Variants in PCDHA1 observed in about 807,000 individuals in gnomAD.
PCDHA1 encodes protocadherin alpha-1.
In PCDHA1, 42 loss-of-function variants were observed where a neutral mutation model predicts 61.3. That is an observed-to-expected ratio of 0.69 (90% confidence interval 0.54 to 0.89). PCDHA1 has a LOEUF of 0.89. PCDHA1 is among the 40% of genes least tolerant of loss of function. The probability of loss-of-function intolerance (pLI) is 0.00; values close to 1 mark genes in which losing one functional copy is unlikely to be tolerated. For missense variants in PCDHA1, 1,256 were observed against 1,235.3 expected (o/e 1.02, Z -0.25); for synonymous variants, 610 against 553.8 (o/e 1.10, Z -1.43).
At chr5:140,807,718 CT>C (rs1227381319) in intron 1 of PCDHA1, 1 of 1,614,230 alleles carries the variant, frequency 6.2e-7, no homozygotes, top group Non-Finnish European at 8.5e-7. Flanking sequence ...CAAATGAATA[CT>C]TTTCTCTGGA....
At chr5:140,897,443 G>T (rs533610542) in intron 1 of PCDHA1, among the ~76,000 whole-genome samples, 75 of 150,100 alleles carry the variant, frequency 5.0e-4, no homozygotes, top group Middle Eastern at 3.5e-3. Flanking sequence ...GCAGTGTTTG[G>T]TTTTTTGTCC....
intron 1 of PCDHA1, chr5:140,809,518 T>C: frequency 1.2e-6 from 2 of 1,614,220 alleles, no homozygotes; most frequent in Non-Finnish European, 1.7e-6. Context: ...CCAGTTTACC[T>C]GACTCTAGGG....
chr5:140,811,923 G>A (rs2126633013), intron 1 of PCDHA1: 16 of 152,164 alleles, frequency 1.1e-4, no homozygotes, highest in Non-Finnish European at 1.8e-4. Flanking sequence ...TGGGTAGATT[G>A]CAAAAATTTT....
At chr5:140,839,763 C>A (rs1052190502) in intron 1 of PCDHA1, among the ~76,000 whole-genome samples, 1 of 151,896 alleles carries the variant, frequency 6.6e-6, no homozygotes, top group Non-Finnish European at 1.5e-5. Flanking sequence ...ATTTAACCTA[C>A]GTTTTTGGTA....
intron 1 of PCDHA1, chr5:140,867,880 G>T (rs1562611394): frequency 6.6e-6 from 1 of 151,984 alleles, no homozygotes; most frequent in Non-Finnish European, 1.5e-5. Flanking sequence ...TATGTTTTAA[G>T]CACAATATCA....
At chr5:140,883,130 G>C in intron 1 of PCDHA1, 1 of 1,614,062 alleles carries the variant, frequency 6.2e-7, no homozygotes, top group Non-Finnish European at 8.5e-7. Flanking sequence ...TGTATGGCCT[G>C]CAGTGGTATA....
At chr5:140,802,557 G>T (rs782054123) in intron 1 of PCDHA1, 1 of 1,614,172 alleles carries the variant, frequency 6.2e-7, no homozygotes, top group Non-Finnish European at 8.5e-7. Flanking sequence ...CAATGCGCCG[G>T]CATTCTCGCA....
Position 140,834,581 on chromosome 5 carries a change from G to A in PCDHA1, c.2394+45897G>A, listed in dbSNP as rs1554134342. On this transcript the variant is annotated intron_variant, in intron 1 of 3. Coordinates refer to ENST00000504120, the MANE Select transcript of PCDHA1 (RefSeq NM_018900.4). The stretch of plus-strand genomic sequence containing the variant: ...AGCTGGTGCCGCGCCTGTTCCGGGC[G>A]GTGTGCAAATTCCGTGGGGATCTTC... The A allele has an allele frequency of 3.1e-6, 5 of 1,614,006 alleles. No individual in the cohort carries two copies. In the East Asian group the frequency reaches 6.7e-5, roughly 22 times the overall value.
intron 1 of PCDHA1, chr5:140,850,343 C>G (rs1554144214): frequency 1.9e-6 from 3 of 1,597,676 alleles, no homozygotes; most frequent in Non-Finnish European, 2.6e-6. Context: ...CAGAAACGGC[C>G]AGCGCGAGCA....
At chr5:140,831,691 C>A (rs2150109264) in intron 1 of PCDHA1, among the ~76,000 whole-genome samples, 1 of 152,138 alleles carries the variant, frequency 6.6e-6, no homozygotes, top group Admixed American at 6.6e-5. Context: ...TGAAAAGCAG[C>A]AAAAAGTAGT....
intron 1 of PCDHA1, among the ~76,000 whole-genome samples, chr5:140,902,641 G>T (rs2069615645): frequency 6.6e-6 from 1 of 152,080 alleles, no homozygotes; most frequent in Non-Finnish European, 1.5e-5. Context: ...TGATTTCTGA[G>T]ATTTTGGTGC....
At chr5:140,975,610 C>T (rs1412581927) in intron 1 of PCDHA1, among the ~76,000 whole-genome samples, 5 of 152,160 alleles carry the variant, frequency 3.3e-5, no homozygotes, top group Non-Finnish European at 7.4e-5. Flanking sequence ...TGATGTCTTC[C>T]ACATGGATTT....
At chr5:140,831,505 C>A (rs1412107675) in intron 1 of PCDHA1, among the ~76,000 whole-genome samples, 1 of 140,118 alleles carries the variant, frequency 7.1e-6, no homozygotes. Flanking sequence ...ACACGAGCAC[C>A]ACCATGCCCC....
chr5:140,914,933 T>C (rs1025071911), intron 1 of PCDHA1, among the ~76,000 whole-genome samples: 1 of 149,146 alleles, frequency 6.7e-6, no homozygotes, highest in Non-Finnish European at 1.5e-5. Flanking sequence ...TACTATGTTG[T>C]GAAAAGTTGT....
intron 1 of PCDHA1, among the ~76,000 whole-genome samples, chr5:140,908,084 T>G (rs2073791096): frequency 6.6e-6 from 1 of 152,202 alleles, no homozygotes; most frequent in Non-Finnish European, 1.5e-5. Context: ...CACAACCAGG[T>G]GCACTGATTG....
chr5:140,896,276 G>A (rs1368035002), intron 1 of PCDHA1, among the ~76,000 whole-genome samples: 1 of 152,176 alleles, frequency 6.6e-6, no homozygotes, highest in Non-Finnish European at 1.5e-5. Context: ...GGATTTGCTG[G>A]CTTGAATGGT....
At chr5:140,850,482 G>A (rs2150486061) in intron 1 of PCDHA1, 3 of 1,598,110 alleles carry the variant, frequency 1.9e-6, no homozygotes, top group Non-Finnish European at 2.6e-6. Context: ...GACGGCCACG[G>A]CCACTGTGCT....
In PCDHA1 at chr5:140,941,764, A is replaced by G. The variant is rs116374830; in HGVS notation, c.2395-37185A>G. 5.7e-3 allele frequency among the ~76,000 whole-genome samples: 869 copies of G among 152,306 alleles called. 7 individuals are homozygous for G. Among genetic ancestry groups the G allele is most frequent in the African/African-American group, 0.018 (768 of 41,560 alleles). ...TTATCAGATTTTCAGTGCTTTTAAG[A>G]TAATTGTTTTAATGTTTTACCCAAG... On this transcript the variant is annotated intron_variant, in intron 1 of 3. Coordinates refer to ENST00000504120, the MANE Select transcript of PCDHA1 (RefSeq NM_018900.4).
At chr5:140,838,287 T>TTTTTC (rs2150287312) in intron 1 of PCDHA1, among the ~76,000 whole-genome samples, 2,227 of 150,168 alleles carry the variant, frequency 0.015, 86 homozygotes, top group African/African-American at 0.051. Flanking sequence ...CTAATTTTTT[T>TTTTTC]TTTTTTTTGT....
Sources: allele counts gnomAD v4.1 joint callset (sites outside exome capture counted in the v4.1 genomes callset), GRCh38; gene constraint gnomAD v4.1.1; transcripts MANE v1.5; gene names NCBI Gene and HGNC (gene_info 2026-07-23, HGNC 2026-07-21).